Variants in ARL6 observed in about 807,000 individuals in gnomAD.
ARL6 encodes ARF like GTPase 6.
ARL6 carries 18 observed loss-of-function variants against 27.1 expected under a neutral mutation model. That is an observed-to-expected ratio of 0.66 (90% confidence interval 0.46 to 0.98). The LOEUF is 0.98. Ranked by LOEUF, ARL6 falls within the 50% of genes least tolerant of loss-of-function variation. ARL6 has a pLI of 0.00. For synonymous variants in ARL6, 65 were observed against 72.3 expected, an observed-to-expected ratio of 0.90 and a Z score of 0.51; for missense variants, 187 against 214.9, an observed-to-expected ratio of 0.87 and a Z score of 0.81.
At chr3:97,767,171 G>A (rs1559666879) in intron 1 of ARL6, among the ~76,000 whole-genome samples, 1 of 151,256 alleles carries the variant, frequency 6.6e-6, no homozygotes, top group African/African-American at 2.4e-5. Flanking sequence ...CAATACAATT[G>A]AACAAGAGAA....
chr3:97,773,241 G>C (rs2036725827), intron 2 of ARL6, among the ~76,000 whole-genome samples: 1 of 152,192 alleles, frequency 6.6e-6, no homozygotes, highest in Non-Finnish European at 1.5e-5. Flanking sequence ...AAAGACGTAG[G>C]CTGGGAGGCT....
At chr3:97,781,297 C>G (rs2037186050) in intron 4 of ARL6, among the ~76,000 whole-genome samples, 1 of 148,752 alleles carries the variant, frequency 6.7e-6, no homozygotes, top group African/African-American at 2.5e-5. Flanking sequence ...TCAGCATATG[C>G]AAGTCAAGTG....
chr3:97,796,470 G>A (rs2038009203), intron 7 of ARL6, among the ~76,000 whole-genome samples: 1 of 152,044 alleles, frequency 6.6e-6, no homozygotes, highest in Non-Finnish European at 1.5e-5. Flanking sequence ...TGAAAGAAAA[G>A]AAAGGGGTCA....
chr3:97,795,865 T>C (rs1221440643), intron 7 of ARL6, among the ~76,000 whole-genome samples: 1 of 151,952 alleles, frequency 6.6e-6, no homozygotes, highest in Non-Finnish European at 1.5e-5. Context: ...AATTGAAAAA[T>C]GAGGAAAAAA....
chr3:97,791,828 T>C lies in ARL6; in HGVS notation c.535+2T>C. 3 of 1,612,682 alleles carry C rather than the reference T, an allele frequency of 1.9e-6. No individual in the cohort carries two copies. The highest frequency in any genetic ancestry group is 2.5e-6 in the Non-Finnish European group (3 of 1,179,000). ...AAGAAGGTGTAGACTGGCTTCAAGG[T>C]ACATTACAAAATACTGTGTGTCTTC... is the stretch of plus-strand genomic sequence containing the variant. On this transcript the variant is annotated splice_donor_variant, in intron 7 of 7. Coordinates refer to ENST00000463745, the MANE Select transcript of ARL6 (RefSeq NM_001278293.3). LOFTEE classifies it high-confidence loss of function.
At chr3:97,786,924 G>A (rs1401445846) in intron 5 of ARL6, among the ~76,000 whole-genome samples, 2 of 152,160 alleles carry the variant, frequency 1.3e-5, no homozygotes, top group East Asian at 3.8e-4. Context: ...GGCTAGGGGA[G>A]TGGAAACACT....
Position 97,784,957 on chromosome 3 carries a change from A to T in ARL6, c.257A>T (p.Glu86Val), listed in dbSNP as rs748483591. The T allele has an allele frequency of 6.2e-7, 1 of 1,610,842 alleles. No homozygotes were observed. Among genetic ancestry groups the T allele is most frequent in the South Asian group, 1.1e-5 (1 of 90,990 alleles). Reference sequence around the variant, plus strand: ...TTCTTTTTCTTTACATTACACAGAGAAGGCCAAGCTATTATTTTTGTCATT... The same window carrying T: ...TTCTTTTTCTTTACATTACACAGAGTAGGCCAAGCTATTATTTTTGTCATT... ...YRNLWEHYYK[E>V]GQAIIFVIDS... Residue 86 changes from glutamate (E) to valine (V), a missense_variant and splice_region_variant, in exon 5 of 8, where the codon GAA becomes GTA. Coordinates refer to ENST00000463745, the MANE Select transcript of ARL6 (RefSeq NM_001278293.3).
chr3:97,792,791 G>A (rs1023466639), intron 7 of ARL6, among the ~76,000 whole-genome samples: 1 of 152,140 alleles, frequency 6.6e-6, no homozygotes, highest in Non-Finnish European at 1.5e-5. Context: ...CTTATTGCAG[G>A]ATCCTAATGG....
chr3:97,778,744 A>G (rs1247604179), intron 2 of ARL6, among the ~76,000 whole-genome samples: 2 of 152,182 alleles, frequency 1.3e-5, no homozygotes, highest in African/African-American at 4.8e-5. Flanking sequence ...AAGGATAATA[A>G]TAATATATTT....
intron 7 of ARL6, 151 bp downstream of exon 7, chr3:97,791,977 A>C: frequency 1.5e-6 from 1 of 672,398 alleles, no homozygotes; most frequent in East Asian, 2.8e-5. Context: ...TAAGTATCCA[A>C]TACCTTGTTC....
chr3:97,791,920 T>G (rs1360062070), intron 7 of ARL6, 94 bp downstream of exon 7: 1 of 1,094,686 alleles, frequency 9.1e-7, no homozygotes, highest in East Asian at 2.6e-5. Flanking sequence ...TATCATTGCC[T>G]TTTTTCCTCT....
chr3:97,790,600 T>C (rs1378419920), intron 6 of ARL6, among the ~76,000 whole-genome samples: 1 of 152,190 alleles, frequency 6.6e-6, no homozygotes, highest in East Asian at 1.9e-4. Context: ...GAACTATAGG[T>C]GTATGATAAA....
chr3:97,774,361 G>T (rs191523127), intron 2 of ARL6, among the ~76,000 whole-genome samples: 1 of 151,754 alleles, frequency 6.6e-6, no homozygotes, highest in South Asian at 2.1e-4. Flanking sequence ...AGAAGCAGGC[G>T]GGGGTATTGA....
chr3:97,788,046 G>A lies in ARL6; in HGVS notation c.406G>A (p.Asp136Asn). 6.2e-7 allele frequency: 1 copy of A among 1,613,158 alleles called. No individual in the cohort carries two copies. Among genetic ancestry groups the A allele is most frequent in the Non-Finnish European group, 8.5e-7 (1 of 1,179,348 alleles). Residue 136 changes from aspartate to asparagine, a missense_variant, in exon 6 of 8, where the codon GAT becomes AAT. By Grantham distance (23) the Asp-to-Asn change is conservative. Coordinates refer to ENST00000463745, the MANE Select transcript of ARL6 (RefSeq NM_001278293.3). ...CTTTGCAAATAAAATGGATCTTAGA[G>A]ATGCAGTGACATCTGTAAAAGTGTC... ...LFFANKMDLR[D>N]AVTSVKVSQL...
chr3:97,791,640 G>A, intron 6 of ARL6, 131 bp from the exon 7 acceptor site: 1 of 692,366 alleles, frequency 1.4e-6, no homozygotes, highest in South Asian at 2.0e-5. Flanking sequence ...CAATTTCAAT[G>A]CTTAACCAGT....
intron 6 of ARL6, 41 bp from the exon 7 acceptor site, chr3:97,791,730 A>G (rs1443282964): frequency 8.3e-6 from 13 of 1,570,666 alleles, no homozygotes; most frequent in African/African-American, 1.4e-5. Context: ...TAGTTTTGTG[A>G]TGTAATGAGA....
At chr3:97,784,366 C>T (rs1027172213) in intron 4 of ARL6, among the ~76,000 whole-genome samples, 1 of 151,534 alleles carries the variant, frequency 6.6e-6, no homozygotes, top group Admixed American at 6.6e-5. Context: ...AAGACTTTCA[C>T]TTAAAATACA....
intron 6 of ARL6, among the ~76,000 whole-genome samples, chr3:97,788,928 C>G (rs2037591860): frequency 6.6e-6 from 1 of 152,128 alleles, no homozygotes; most frequent in Non-Finnish European, 1.5e-5. Flanking sequence ...TGTAAGAGGT[C>G]CTTTCCATGC....
chr3:97,793,702 T>C (rs2037853955), intron 7 of ARL6, among the ~76,000 whole-genome samples: 1 of 152,216 alleles, frequency 6.6e-6, no homozygotes, highest in Admixed American at 6.5e-5. Context: ...TTCTGATCCA[T>C]CATTATCTGT....
Sources: gnomAD v4.1 joint callset for allele counts (sites outside exome capture counted in the v4.1 genomes callset) on GRCh38, gnomAD v4.1.1 for gene constraint, MANE v1.5 for transcripts, NCBI Gene and HGNC (gene_info 2026-07-23, HGNC 2026-07-21) for gene names.